Variants in PTGER3 observed in about 807,000 individuals in gnomAD.
The protein encoded by PTGER3 is prostaglandin E receptor 3.
A neutral mutation model predicts 34.7 loss-of-function variants in PTGER3; 22 were observed. That is an observed-to-expected ratio of 0.63 (90% confidence interval 0.45 to 0.91). PTGER3 has a LOEUF of 0.91. PTGER3 is among the 40% of genes least tolerant of loss of function. The probability of loss-of-function intolerance (pLI) is 0.00; values close to 1 mark genes in which losing one functional copy is unlikely to be tolerated. For synonymous variants in PTGER3, 241 were observed against 230.1 expected (o/e 1.05, Z -0.43); for missense variants, 468 against 519.4 (o/e 0.90, Z 0.96).
chr1:71,037,261 A>G (rs759781191), intron 1 of PTGER3, among the ~76,000 whole-genome samples: 34 of 152,244 alleles, frequency 2.2e-4, no homozygotes, highest in Admixed American at 3.9e-4. Flanking sequence ...CTACCTTAGT[A>G]GACTGAAAGC....
chr1:71,040,431 G>A (rs1173200474), intron 1 of PTGER3, among the ~76,000 whole-genome samples: 7 of 151,442 alleles, frequency 4.6e-5, no homozygotes, highest in Non-Finnish European at 1.0e-4. Context: ...GTGAAATCCC[G>A]TCTCTAGTAA....
intron 4 of PTGER3, among the ~76,000 whole-genome samples, chr1:70,896,181 T>A (rs1572579874): frequency 6.6e-6 from 1 of 152,252 alleles, no homozygotes; most frequent in East Asian, 1.9e-4. Context: ...AGAGTTAACT[T>A]GTGTCCCCAC....
chr1:70,908,879 G>T (rs1281933652), intron 4 of PTGER3, among the ~76,000 whole-genome samples: 1 of 152,156 alleles, frequency 6.6e-6, no homozygotes, highest in African/African-American at 2.4e-5. Flanking sequence ...AAAGCCCTAT[G>T]CAATTACAAT....
intron 4 of PTGER3, among the ~76,000 whole-genome samples, chr1:70,918,757 T>C (rs1312593177): frequency 6.6e-6 from 1 of 152,066 alleles, no homozygotes; most frequent in Non-Finnish European, 1.5e-5. Flanking sequence ...AGTTGAATTT[T>C]GAACATGAAC....
At chr1:70,905,797 C>G (rs139121805) in intron 4 of PTGER3, among the ~76,000 whole-genome samples, 1 of 151,986 alleles carries the variant, frequency 6.6e-6, no homozygotes, top group Non-Finnish European at 1.5e-5. Flanking sequence ...TGAGTTAAGA[C>G]TTTGGGGGAC....
chr1:70,919,322 G>T (rs1413023956), intron 4 of PTGER3, among the ~76,000 whole-genome samples: 1 of 152,062 alleles, frequency 6.6e-6, no homozygotes, highest in African/African-American at 2.4e-5. Flanking sequence ...TTAGATGGAG[G>T]TGTTTTGGAT....
intron 1 of PTGER3, among the ~76,000 whole-genome samples, chr1:71,034,187 T>A (rs1659631102): frequency 5.0e-5 from 1 of 20,144 alleles, no homozygotes; most frequent in Non-Finnish European, 7.5e-5. Flanking sequence ...TTTATGTGAG[T>A]TATATTAATA....
chr1:70,984,960 C>T (rs1436411088), intron 2 of PTGER3, among the ~76,000 whole-genome samples: 1 of 152,106 alleles, frequency 6.6e-6, no homozygotes, highest in Non-Finnish European at 1.5e-5. Context: ...ATAATATTGT[C>T]TTCCATCCCC....
In PTGER3 at chr1:70,884,929, G is replaced by A. The variant is rs1646465841; in HGVS notation, c.*24-32070C>T. Among the ~76,000 whole-genome samples, 3 of 152,102 alleles carry A rather than the reference G, an allele frequency of 2.0e-5. No individual in the cohort carries two copies. In the South Asian group the frequency reaches 6.2e-4, roughly 32 times the overall value. ...AGATTATTGTAAATAGGAACATGAG[G>A]GGAATCCTCTATATTTGTTGTATGC... On this transcript the variant is annotated intron_variant, in intron 4 of 4. Coordinates refer to the PTGER3 transcript ENST00000370931.
intron 2 of PTGER3, among the ~76,000 whole-genome samples, chr1:70,983,060 G>T (rs1196182251): frequency 6.6e-6 from 1 of 151,962 alleles, no homozygotes; most frequent in Non-Finnish European, 1.5e-5. Context: ...AAAAAAAGGA[G>T]GCTCCCCAGA....
At chr1:70,977,919 A>C (rs886475913) in intron 2 of PTGER3, among the ~76,000 whole-genome samples, 2 of 152,072 alleles carry the variant, frequency 1.3e-5, no homozygotes, top group African/African-American at 4.8e-5. Context: ...CTCCCTCCTA[A>C]ACAACTGACC....
At chr1:70,859,853 A>G (rs1374756149) in intron 4 of PTGER3, among the ~76,000 whole-genome samples, 1 of 152,178 alleles carries the variant, frequency 6.6e-6, no homozygotes, top group African/African-American at 2.4e-5. Flanking sequence ...CAGGACTTAA[A>G]TCTGTATCGG....
intron 4 of PTGER3, among the ~76,000 whole-genome samples, chr1:70,864,762 G>A (rs1646004532): frequency 1.3e-5 from 2 of 152,170 alleles, no homozygotes; most frequent in Admixed American, 1.3e-4. Flanking sequence ...ATTTTATGAG[G>A]CAGATACTAT....
chr1:71,014,291 G>T (rs1440244492), intron 1 of PTGER3, among the ~76,000 whole-genome samples: 1 of 152,140 alleles, frequency 6.6e-6, no homozygotes, highest in African/African-American at 2.4e-5. Context: ...CACAATTCCA[G>T]TGATGGCACT....
exon 5 of PTGER3, chr1:70,852,797 C>A: frequency 1.2e-6 from 2 of 1,609,058 alleles, no homozygotes; most frequent in Non-Finnish European, 1.7e-6. Flanking sequence ...AAAAGAGAGT[C>A]ATGGAGCTTC....
chr1:70,894,815 A>C (rs1646692168), intron 4 of PTGER3, among the ~76,000 whole-genome samples: 1 of 152,192 alleles, frequency 6.6e-6, no homozygotes, highest in South Asian at 2.1e-4. Context: ...AGATAAAACT[A>C]ATACCCAGGG....
chr1:70,992,646 A>G (rs913412082), intron 2 of PTGER3, among the ~76,000 whole-genome samples: 1 of 152,124 alleles, frequency 6.6e-6, no homozygotes, highest in Admixed American at 6.5e-5. Context: ...TCTACCATGC[A>G]CTCAGGTGGA....
chr1:71,004,972 T>C (rs1468286126), intron 2 of PTGER3, among the ~76,000 whole-genome samples: 3 of 152,214 alleles, frequency 2.0e-5, no homozygotes, highest in Non-Finnish European at 4.4e-5. Flanking sequence ...CTTGGGTACA[T>C]AGCACCTGTT....
intron 4 of PTGER3, among the ~76,000 whole-genome samples, chr1:70,883,541 T>A (rs1173123790): frequency 6.6e-6 from 1 of 152,202 alleles, no homozygotes; most frequent in Non-Finnish European, 1.5e-5. Flanking sequence ...TGAAGTTCTC[T>A]TAAATGTTAC....
Sources: gnomAD v4.1 joint callset for allele counts (sites outside exome capture counted in the v4.1 genomes callset) on GRCh38, gnomAD v4.1.1 for gene constraint, MANE v1.5 for transcripts, NCBI Gene and HGNC (gene_info 2026-07-23, HGNC 2026-07-21) for gene names.